EHHADH: variants seen among roughly 807,000 people sequenced by gnomAD.
EHHADH encodes enoyl-CoA hydratase and 3-hydroxyacyl CoA dehydrogenase.
A neutral mutation model predicts 64.4 loss-of-function variants in EHHADH; 48 were observed. That is an observed-to-expected ratio of 0.75 (90% CI 0.59 to 0.95). EHHADH has a LOEUF of 0.95. Among genes scored for constraint, EHHADH ranks in the 40% least tolerant of loss-of-function variants. EHHADH has a pLI of 0.00. For missense variants in EHHADH, 854 were observed against 876.6 expected, an observed-to-expected ratio of 0.97 and a Z score of 0.33; for synonymous variants, 308 against 326.7, an observed-to-expected ratio of 0.94 and a Z score of 0.62.
chr3:185,211,027 T>G (rs545621154), intron 5 of EHHADH, among the ~76,000 whole-genome samples: 1 of 152,170 alleles, frequency 6.6e-6, no homozygotes, highest in Admixed American at 6.5e-5. Flanking sequence ...ACTGGAAAAT[T>G]TTGGATCCGG....
chr3:185,194,033 T>TA (rs2108623416), intron 6 of EHHADH, among the ~76,000 whole-genome samples: 1 of 152,306 alleles, frequency 6.6e-6, no homozygotes, highest in Admixed American at 6.5e-5. Context: ...ACAATTCCTA[T>TA]AAAAATCCCA....
intron 3 of EHHADH, among the ~76,000 whole-genome samples, chr3:185,235,007 C>A (rs894954798): frequency 6.6e-6 from 1 of 151,994 alleles, no homozygotes; most frequent in Admixed American, 6.5e-5. Context: ...CATGGTGAAA[C>A]CCCGTCTCTA....
At chr3:185,218,761 G>T (rs939311042) in intron 4 of EHHADH, among the ~76,000 whole-genome samples, 6 of 151,362 alleles carry the variant, frequency 4.0e-5, no homozygotes, top group Non-Finnish European at 7.4e-5. Context: ...GGTGGCTCAC[G>T]CCTGTAATCC....
intron 3 of EHHADH, among the ~76,000 whole-genome samples, chr3:185,234,984 C>T (rs1719248326): frequency 6.6e-6 from 1 of 152,010 alleles, no homozygotes; most frequent in African/African-American, 2.4e-5. Context: ...GAGTTTGAGA[C>T]CAGCCTGGCC....
rs2377373 is a variant in EHHADH, at chr3:185,229,092, G to A, written c.463+340C>T. Among the ~76,000 whole-genome samples the A allele has an allele frequency of 0.16, 23,955 of 152,028 alleles. 2,005 individuals are homozygous for A. The highest frequency in any genetic ancestry group is 0.3 in the East Asian group (1,525 of 5,156). ...ATTACAGGCATGAGCCACTGCGTGC[G>A]GCCTATATTACAATTTCTAAATTAG... On this transcript the variant is annotated intron_variant, in intron 4 of 6. Transcript: ENST00000231887.
intron 4 of EHHADH, among the ~76,000 whole-genome samples, chr3:185,228,797 T>C (rs1424067664): frequency 6.6e-6 from 1 of 152,124 alleles, no homozygotes; most frequent in Non-Finnish European, 1.5e-5. Context: ...AATTATGGTT[T>C]TCTCATTTAT....
At chr3:185,227,954 G>A (rs1406712559) in intron 4 of EHHADH, among the ~76,000 whole-genome samples, 1 of 151,772 alleles carries the variant, frequency 6.6e-6, no homozygotes, top group East Asian at 1.9e-4. Flanking sequence ...TCACCCTATA[G>A]TAGGTGCTAT....
chr3:185,222,596 C>T (rs986486225), intron 4 of EHHADH, among the ~76,000 whole-genome samples: 1 of 152,150 alleles, frequency 6.6e-6, no homozygotes, highest in African/African-American at 2.4e-5. Context: ...CAGCTGCATT[C>T]TCATTCTCCT....
chr3:185,245,747 G>A, intron 2 of EHHADH: 1 of 704,578 alleles, frequency 1.4e-6, no homozygotes, highest in South Asian at 1.6e-5. Context: ...AAAAATGCAA[G>A]TGTGCTGACA....
At chr3:185,251,756 T>C (rs868068269) in intron 1 of EHHADH, among the ~76,000 whole-genome samples, 3 of 151,796 alleles carry the variant, frequency 2.0e-5, no homozygotes, top group African/African-American at 7.2e-5. Flanking sequence ...AAGAAAAAAA[T>C]TGAGGAATCT....
At chr3:185,228,282 A>G (rs1183959683) in intron 4 of EHHADH, among the ~76,000 whole-genome samples, 19 of 126,178 alleles carry the variant, frequency 1.5e-4, no homozygotes, top group African/African-American at 4.9e-4. Context: ...ATATATATGG[A>G]GAGAGAGAGA....
chr3:185,246,088 A>T, intron 2 of EHHADH: 1 of 1,289,916 alleles, frequency 7.8e-7, no homozygotes, highest in Non-Finnish European at 1.1e-6. Flanking sequence ...TATTCCAAGC[A>T]TAATGTCAAG....
chr3:185,241,531 T>C (rs1719452285), intron 2 of EHHADH, among the ~76,000 whole-genome samples: 1 of 152,240 alleles, frequency 6.6e-6, no homozygotes. Context: ...GTGGTTTTGA[T>C]TTGCATTTCC....
intron 5 of EHHADH, among the ~76,000 whole-genome samples, chr3:185,211,359 T>C (rs1307904039): frequency 1.3e-5 from 2 of 152,194 alleles, no homozygotes; most frequent in East Asian, 3.8e-4. Flanking sequence ...CCATTCACAT[T>C]TTTTCTTAGT....
chr3:185,193,263 T>A lies in EHHADH; in HGVS notation c.1135A>T (p.Ile379Phe). 6.2e-7 allele frequency: 1 copy of A among 1,601,372 alleles called. No homozygotes were observed. The highest frequency in any genetic ancestry group is 8.5e-7 in the Non-Finnish European group (1 of 1,174,472). ...VKELGGVDLV[I>F]EAVFEEMSLK... ...CTCATTTCCTCAAATACTGCTTCAA[T>A]GACTAAATCTACACCACCAAGCTCC... The change falls in exon 7 of 7, where the codon ATT (isoleucine) becomes TTT (phenylalanine). Residue 379 changes from isoleucine to phenylalanine, a missense_variant. Ile to Phe is a conservative substitution (Grantham distance 21). Transcript: ENST00000231887.
At chr3:185,210,232 C>T (rs1264107846) in intron 5 of EHHADH, among the ~76,000 whole-genome samples, 3 of 152,186 alleles carry the variant, frequency 2.0e-5, no homozygotes, top group Non-Finnish European at 4.4e-5. Context: ...TGCTTCTCAA[C>T]ATCATAGCAC....
chr3:185,229,752 A>G (rs1249956448), intron 3 of EHHADH, among the ~76,000 whole-genome samples: 1 of 152,164 alleles, frequency 6.6e-6, no homozygotes, highest in East Asian at 1.9e-4. Context: ...GTTGAAACAC[A>G]TTTTTAGCTT....
rs1251934685 is a variant in EHHADH, at chr3:185,193,513, A to C, written c.911-26T>G. ...CTGCAGATAAAAATCAAAGGAGAAA[A>C]AGAATGATTCAGTGGTATTGGGAAC... is the stretch of plus-strand genomic sequence containing the variant. On this transcript the variant is annotated intron_variant, in intron 6 of 6. Transcript: ENST00000231887. 5.6e-6 allele frequency: 9 copies of C among 1,608,734 alleles called. No individual in the cohort carries two copies. In the Admixed American group the frequency reaches 1.5e-4, roughly 27 times the overall value.
chr3:185,192,635 C>G lies in EHHADH; in HGVS notation c.1763G>C (p.Arg588Thr). 6.2e-7 allele frequency: 1 copy of G among 1,614,162 alleles called. No individual in the cohort carries two copies. The stretch of plus-strand genomic sequence containing the variant: ...AAGCCAGGGATCAGGTTTGTGAATC[C>G]TACCCAATGGCTTGTCATATTGATA... ...GWYQYDKPLG[R>T]IHKPDPWLSK... The change falls in exon 7 of 7, where the codon AGG becomes ACG. Residue 588 changes from arginine (R) to threonine (T), a missense_variant. By Grantham distance (71) the Arg-to-Thr change is moderately conservative (BLOSUM62 -1). Transcript: ENST00000231887.
Sources: gnomAD v4.1 joint callset for allele counts (sites outside exome capture counted in the v4.1 genomes callset) on GRCh38, gnomAD v4.1.1 for gene constraint, MANE v1.5 for transcripts, NCBI Gene and HGNC (gene_info 2026-07-23, HGNC 2026-07-21) for gene names.